The following FERRY3 variants were observed in gnomAD, a reference collection of about 807,000 sequenced individuals.
FERRY3 encodes the protein FERRY endosomal RAB5 effector complex subunit 3.
the FERRY3 span, chr12:4,516,964 T>C: frequency 1.9e-6 from 2 of 1,065,820 alleles, no homozygotes; most frequent in African/African-American, 3.3e-5. Context: ...TAATTTCCTA[T>C]CTTCCACCAA....
chr12:4,500,769 C>T, the FERRY3 span, among the ~76,000 whole-genome samples: 1 of 152,168 alleles, frequency 6.6e-6, no homozygotes, highest in Non-Finnish European at 1.5e-5. Flanking sequence ...TCTCCTGCCT[C>T]AGCCTCTCGA....
the FERRY3 span, among the ~76,000 whole-genome samples, chr12:4,527,725 T>C: frequency 5.0e-3 from 764 of 152,246 alleles, 7 homozygotes; most frequent in African/African-American, 0.017. Context: ...CTTATTTTTC[T>C]TTTTCAAGCT....
chr12:4,500,941 G>A, the FERRY3 span, among the ~76,000 whole-genome samples: 1 of 152,142 alleles, frequency 6.6e-6, no homozygotes, highest in African/African-American at 2.4e-5. Flanking sequence ...GTGGGCCACC[G>A]TGCCCAGCCT....
chr12:4,532,085 ATTTTTTTT>A, the FERRY3 span, among the ~76,000 whole-genome samples: 1 of 135,546 alleles, frequency 7.4e-6, no homozygotes, highest in African/African-American at 2.8e-5. Context: ...TAAATTGTGA[ATTTTTTTT>A]TTTTTTTTTT....
the FERRY3 span, chr12:4,487,854 A>AT: frequency 1.3e-5 from 2 of 151,998 alleles, no homozygotes; most frequent in Admixed American, 1.3e-4. Context: ...TCTTCACATC[A>AT]TTCATGAAGT....
chr12:4,529,407 G>A, the FERRY3 span, among the ~76,000 whole-genome samples: 1 of 152,154 alleles, frequency 6.6e-6, no homozygotes, highest in Non-Finnish European at 1.5e-5. Context: ...AGACAGAATG[G>A]TACAGTGGTT....
At chr12:4,514,246 C>G in the FERRY3 span, among the ~76,000 whole-genome samples, 23 of 150,202 alleles carry the variant, frequency 1.5e-4, no homozygotes, top group Admixed American at 2.6e-4. Flanking sequence ...CAGGAAACAA[C>G]AGGTGCTGGA....
At chr12:4,495,462 T>C in the FERRY3 span, among the ~76,000 whole-genome samples, 1 of 152,214 alleles carries the variant, frequency 6.6e-6, no homozygotes, top group African/African-American at 2.4e-5. Context: ...TAGCCTTGAA[T>C]TATTTCAGGC....
chr12:4,507,502 G>A, the FERRY3 span, among the ~76,000 whole-genome samples: 2 of 150,280 alleles, frequency 1.3e-5, no homozygotes, highest in African/African-American at 5.0e-5. Context: ...AATTATAAAC[G>A]TATGTGTCCT....
chr12:4,491,266 T>C, the FERRY3 span: 2 of 1,572,202 alleles, frequency 1.3e-6, no homozygotes, highest in South Asian at 2.2e-5. Flanking sequence ...AAGATATGTT[T>C]TTGATAGAAC....
At chr12:4,529,654 C>T in the FERRY3 span, among the ~76,000 whole-genome samples, 3 of 152,142 alleles carry the variant, frequency 2.0e-5, no homozygotes, top group Non-Finnish European at 1.5e-5. Context: ...CCACCAGTAT[C>T]ATTTACTTAG....
the FERRY3 span, chr12:4,529,928 AAAGT>A: frequency 1.2e-6 from 2 of 1,613,482 alleles, no homozygotes; most frequent in Non-Finnish European, 1.7e-6. Context: ...AGATACTAAC[AAAGT>A]AATTATGTTC....
the FERRY3 span, among the ~76,000 whole-genome samples, chr12:4,516,647 G>T: frequency 5.3e-5 from 8 of 152,196 alleles, no homozygotes; most frequent in Non-Finnish European, 1.0e-4. Context: ...ACTTATAAAT[G>T]GGAGCTGAAT....
chr12:4,489,906 G>A, the FERRY3 span: 10 of 1,545,438 alleles, frequency 6.5e-6, no homozygotes, highest in South Asian at 1.2e-5. Flanking sequence ...TACTCTGTAA[G>A]ACGAAAAAAT....
the FERRY3 span, chr12:4,488,874 TATATG>T: frequency 1.3e-5 from 2 of 152,132 alleles, no homozygotes; most frequent in African/African-American, 2.4e-5. The surrounding 1 kb of genome is among the most constrained non-coding windows in gnomAD (Gnocchi z 4.9). Flanking sequence ...ATGGGACAAA[TATATG>T]ATATGTAGCA....
At chr12:4,496,087 CAT>C in the FERRY3 span, among the ~76,000 whole-genome samples, 4 of 152,194 alleles carry the variant, frequency 2.6e-5, no homozygotes, top group Non-Finnish European at 2.9e-5. Context: ...CACACACACA[CAT>C]ACGTCTGAGT....
chr12:4,536,087 A>G, the FERRY3 span: 1 of 1,610,150 alleles, frequency 6.2e-7, no homozygotes, highest in Non-Finnish European at 8.5e-7. Context: ...CATTCTCTTG[A>G]ACAGGAAATT....
the FERRY3 span, among the ~76,000 whole-genome samples, chr12:4,523,046 C>G: frequency 6.6e-6 from 1 of 152,144 alleles, no homozygotes; most frequent in Middle Eastern, 3.2e-3. Flanking sequence ...CAAAATTCAT[C>G]AAACTGTACA....
chr12:4,538,408 C>T, the FERRY3 span: 3 of 158,682 alleles, frequency 1.9e-5, no homozygotes, highest in Admixed American at 1.8e-4. Flanking sequence ...TCTGGGCTCA[C>T]CTCGTCTAGT....
Sources: allele counts gnomAD v4.1 joint callset (sites outside exome capture counted in the v4.1 genomes callset), GRCh38; gene constraint gnomAD v4.1.1; non-coding constraint Gnocchi (gnomAD v3.1); transcripts MANE v1.5; gene names NCBI Gene and HGNC (gene_info 2026-07-23, HGNC 2026-07-21).